The following PRICKLE2 variants were observed in gnomAD, a reference collection of about 807,000 sequenced individuals.
PRICKLE2 encodes the protein prickle planar cell polarity protein 2.
PRICKLE2 carries 21 observed loss-of-function variants against 81.4 expected under a neutral mutation model. That is an observed-to-expected ratio of 0.26 (90% confidence interval 0.18 to 0.37). The LOEUF is 0.37. PRICKLE2 is among the 10% of genes least tolerant of loss of function. The pLI is 1.00. For synonymous variants in PRICKLE2, 456 were observed against 421.5 expected, an observed-to-expected ratio of 1.08 and a Z score of -1.00; for missense variants, 940 against 1,109.0, an observed-to-expected ratio of 0.85 and a Z score of 2.16.
chr3:64,263,117 T>G (rs1215742775), intron 2 of PRICKLE2, among the ~76,000 whole-genome samples: 1 of 152,312 alleles, frequency 6.6e-6, no homozygotes, highest in East Asian at 1.9e-4. Flanking sequence ...CACGCACACA[T>G]GGCGCCTTTT....
chr3:64,139,569 C>T lies in PRICKLE2; in HGVS notation c.1660+7261G>A, dbSNP rs967474846. 3.9e-5 allele frequency among the ~76,000 whole-genome samples: 6 copies of T among 152,172 alleles called. No individual in the cohort carries two copies. In the East Asian group the frequency reaches 1.2e-3, roughly 29 times the overall value. On this transcript the variant is annotated intron_variant, in intron 7 of 7. Coordinates refer to ENST00000638394, the MANE Select transcript of PRICKLE2 (RefSeq NM_198859.4). ...GCACTTGCCCTTTTCCAATCAATTC[C>T]CCACACAGCAGCTGAAGCCATCTTT...
At chr3:64,123,683 C>T (rs559683105) in intron 7 of PRICKLE2, among the ~76,000 whole-genome samples, 1 of 152,184 alleles carries the variant, frequency 6.6e-6, no homozygotes, top group South Asian at 2.1e-4. Context: ...TTATGGTCAT[C>T]TATGGTCAGT....
chr3:64,141,035 T>G (rs2077353497), intron 7 of PRICKLE2, among the ~76,000 whole-genome samples: 1 of 152,220 alleles, frequency 6.6e-6, no homozygotes, highest in African/African-American at 2.4e-5. Flanking sequence ...GTTACTTCTA[T>G]AAACCTTAGT....
intron 2 of PRICKLE2, among the ~76,000 whole-genome samples, chr3:64,264,988 C>G (rs2079676936): frequency 6.6e-6 from 1 of 152,128 alleles, no homozygotes; most frequent in Non-Finnish European, 1.5e-5. Flanking sequence ...TGAGTTTTCC[C>G]AGACATTGAG....
intron 7 of PRICKLE2, among the ~76,000 whole-genome samples, chr3:64,106,536 T>C (rs2076758292): frequency 6.6e-6 from 1 of 152,346 alleles, no homozygotes; most frequent in South Asian, 2.1e-4. Flanking sequence ...GATATCCACT[T>C]GAACGCCAGC....
At chr3:64,154,888 CCTGTAATCCCAGTG>C (rs2077604935) in intron 5 of PRICKLE2, 1 of 152,040 alleles carries the variant, frequency 6.6e-6, no homozygotes, top group Admixed American at 6.5e-5. Flanking sequence ...GTGGCTCACA[CCTGTAATCCCAGTG>C]CTTTGAGAGG....
At chr3:64,121,264 G>A (rs2077022632) in intron 7 of PRICKLE2, among the ~76,000 whole-genome samples, 1 of 152,190 alleles carries the variant, frequency 6.6e-6, no homozygotes, top group African/African-American at 2.4e-5. Context: ...AAACGATTGG[G>A]TGGGAAATTA....
chr3:64,169,741 G>A (rs1196408056), intron 2 of PRICKLE2, among the ~76,000 whole-genome samples: 1 of 152,152 alleles, frequency 6.6e-6, no homozygotes, highest in African/African-American at 2.4e-5. Context: ...GGACTAATTC[G>A]AACACTGATC....
At chr3:64,141,024 G>T (rs546983133) in intron 7 of PRICKLE2, among the ~76,000 whole-genome samples, 2 of 152,174 alleles carry the variant, frequency 1.3e-5, no homozygotes, top group East Asian at 1.9e-4. Context: ...ACTACAAAAG[G>T]GTTACTTCTA....
In PRICKLE2 at chr3:64,246,042, C is replaced by T. The variant is rs541392596; in HGVS notation, c.129-47075G>A. ...GGTGGATCACTTGAGGCCAGGAGTT[C>T]GAGACCAGCCTGGCCAACATGGCAA... On this transcript the variant is annotated intron_variant, in intron 2 of 8. Transcript: ENST00000295902. Among the ~76,000 whole-genome samples, 5 of 152,198 alleles carry T rather than the reference C, an allele frequency of 3.3e-5. No individual in the cohort carries two copies. The South Asian group carries it at 8.3e-4, about 25-fold the overall frequency.
rs1301750165 is a variant in PRICKLE2 at position 64,225,180 on chromosome 3, G to GA, written c.-312dup. On this transcript the variant is annotated 5_prime_UTR_variant, in exon 1 of 8. Transcript: ENST00000638394. ...CTGCTGGGGAATTCACCAAGCAAGA[G>GA]AAAAAAAGTATGACTTCTACTCTTC... The GA allele has an allele frequency of 8.5e-5, 84 of 985,182 alleles. No individual in the cohort carries two copies. The highest frequency in any genetic ancestry group is 1.0e-4 in the Non-Finnish European group (83 of 829,936). The allele number at this position is 985,182 out of a possible 1,614,324, so 61.0% of individuals were successfully genotyped here.
chr3:64,098,963 C>T lies in PRICKLE2; in HGVS notation c.*88G>A, dbSNP rs2076608947. 6.5e-7 allele frequency: 1 copy of T among 1,544,258 alleles called. No homozygotes were observed. The highest frequency in any genetic ancestry group is 1.1e-5 in the South Asian group (1 of 89,052). ...CCTTTTCTCCCCCATAAGCCACCCC[C>T]AAAAGCGCTTTAACATTTAAAACAG... On this transcript the variant is annotated 3_prime_UTR_variant, in exon 8 of 8. Coordinates refer to ENST00000638394, the MANE Select transcript of PRICKLE2 (RefSeq NM_198859.4).
chr3:64,263,655 G>A (rs548604696), intron 2 of PRICKLE2, among the ~76,000 whole-genome samples: 145 of 152,268 alleles, frequency 9.5e-4, no homozygotes, highest in African/African-American at 3.1e-3. Context: ...TCTTGTGAAA[G>A]GATCCTGTGG....
chr3:64,112,242 T>C (rs904254171), intron 7 of PRICKLE2, among the ~76,000 whole-genome samples: 2 of 152,188 alleles, frequency 1.3e-5, no homozygotes, highest in Non-Finnish European at 2.9e-5. Context: ...CCATTAGACA[T>C]ATGCATTTCC....
chr3:64,166,081 T>C (rs3755828), intron 2 of PRICKLE2, among the ~76,000 whole-genome samples: 18,240 of 151,692 alleles, frequency 0.12, 1,328 homozygotes, highest in East Asian at 0.22. Flanking sequence ...GGAAATAGAA[T>C]ATGCCACTGG....
upstream of PRICKLE2, among the ~76,000 whole-genome samples, chr3:64,227,322 G>T (rs2079044696): frequency 6.6e-6 from 1 of 152,182 alleles, no homozygotes; most frequent in Non-Finnish European, 1.5e-5. Context: ...AAGTCTAACA[G>T]TTTGGGGCCC....
Position 64,146,980 on chromosome 3 carries a change from C to T in PRICKLE2, c.1510G>A (p.Glu504Lys), listed in dbSNP as rs1402356389. ...TRGSIQVPKY[E>K]EEEEEEGGLS... is the part of the protein sequence containing the mutation. ...CCCCCTTCCTCTTCCTCTTCCTCCTCATATTTGGGGACTTGGATGCTGCCT... is the reference window on the plus strand; with the variant it reads ...CCCCCTTCCTCTTCCTCTTCCTCCTTATATTTGGGGACTTGGATGCTGCCT... The change falls in exon 7 of 8, where the codon GAG becomes AAG. Residue 504 changes from glutamate to lysine, a missense_variant. Physicochemically the swap from Glu to Lys is moderately conservative, Grantham distance 56. This residue lies in a region of PRICKLE2 where 670 missense variants were observed against 717.2 expected (regional missense o/e 0.93). Transcript: ENST00000638394. The T allele has an allele frequency of 1.2e-6, 2 of 1,614,014 alleles. No homozygotes were observed. The highest frequency in any genetic ancestry group is 2.7e-5 in the African/African-American group (2 of 74,914).
chr3:64,176,841 A>G (rs1380153379), intron 2 of PRICKLE2, among the ~76,000 whole-genome samples: 2 of 152,218 alleles, frequency 1.3e-5, no homozygotes. Flanking sequence ...TGAATCATAA[A>G]AACAATTGTG....
At position 64,093,861 on chromosome 3, in the gene PRICKLE2, G is replaced by A. The variant is rs1203891328; in HGVS notation, c.*5190C>T. 1.3e-5 allele frequency: 2 copies of A among 152,240 alleles called. No homozygotes were observed. The highest frequency in any genetic ancestry group is 4.8e-5 in the African/African-American group (2 of 41,416). 9.4% of individuals were successfully genotyped at this position (152,240 alleles called of 1,614,324 possible). Reference sequence around the variant, plus strand: ...AAGTGAGGGAGGGCTGAGAAGAATGGCAACATTTCTTTTATTCAAATTTTA... The same window carrying A: ...AAGTGAGGGAGGGCTGAGAAGAATGACAACATTTCTTTTATTCAAATTTTA... On this transcript the variant is annotated 3_prime_UTR_variant, in exon 8 of 8. Transcript: ENST00000638394.
Sources: allele counts gnomAD v4.1 joint callset (sites outside exome capture counted in the v4.1 genomes callset), GRCh38; gene constraint gnomAD v4.1.1; regional missense constraint gnomAD v4.1.1; transcripts MANE v1.5; gene names NCBI Gene and HGNC (gene_info 2026-07-23, HGNC 2026-07-21).